TRPC4: variants seen among roughly 807,000 people sequenced by gnomAD.
TRPC4 encodes the protein transient receptor potential cation channel subfamily C member 4.
In TRPC4, 49 loss-of-function variants were observed where a neutral mutation model predicts 99.4. The ratio of observed to expected loss-of-function variants is 0.49; its 90% CI spans 0.39 to 0.63. The LOEUF (loss-of-function observed/expected upper bound fraction) is 0.63, where lower values mean the gene tolerates loss of function less well. Ranked by LOEUF, TRPC4 falls within the 20% of genes least tolerant of loss-of-function variation. The probability of loss-of-function intolerance (pLI) is 0.00; values close to 1 mark genes in which losing one functional copy is unlikely to be tolerated. For missense variants in TRPC4, 898 were observed against 1,152.9 expected (o/e 0.78, Z 3.20); for synonymous variants, 454 against 425.9 (o/e 1.07, Z -0.81).
chr13:37,666,691 T>C lies in TRPC4; in HGVS notation c.1375-2962A>G, dbSNP rs986579840. The stretch of plus-strand genomic sequence containing the variant: ...ATATTAATTTGAATTTTAAAAAATT[T>C]CTTTGCCTCTGCTATTTAGGAGCAA... On this transcript the variant is annotated intron_variant, in intron 5 of 10. Coordinates refer to ENST00000379705, the MANE Select transcript of TRPC4 (RefSeq NM_016179.4). Among the ~76,000 whole-genome samples, 9 of 152,322 alleles carry C rather than the reference T, an allele frequency of 5.9e-5. No homozygotes were observed. The East Asian group carries it at 1.7e-3, about 29-fold the overall frequency.
intron 3 of TRPC4, among the ~76,000 whole-genome samples, chr13:37,721,950 A>T (rs998614893): frequency 8.6e-5 from 13 of 152,026 alleles, no homozygotes; most frequent in Non-Finnish European, 1.8e-4. Context: ...ATTTTAATTC[A>T]TCCCTCCTCA....
At chr13:37,698,775 C>G (rs548273529) in intron 3 of TRPC4, among the ~76,000 whole-genome samples, 2 of 152,260 alleles carry the variant, frequency 1.3e-5, no homozygotes, top group African/African-American at 4.8e-5. Flanking sequence ...AGGATGCTAG[C>G]TGGCTAATTC....
chr13:37,810,438 A>T (rs961604210), intron 1 of TRPC4, among the ~76,000 whole-genome samples: 1 of 152,046 alleles, frequency 6.6e-6, no homozygotes, highest in Non-Finnish European at 1.5e-5. Context: ...TACTATACTA[A>T]ATATTATATT....
At chr13:37,668,659 A>T (rs188672151) in intron 5 of TRPC4, among the ~76,000 whole-genome samples, 91 of 152,300 alleles carry the variant, frequency 6.0e-4, no homozygotes, top group African/African-American at 2.0e-3. Context: ...GTAGGAAAAT[A>T]TGTTAGGCTA....
At chr13:37,682,959 C>T in intron 4 of TRPC4, among the ~76,000 whole-genome samples, 2 of 129,324 alleles carry the variant, frequency 1.5e-5, no homozygotes, top group Admixed American at 8.8e-5. Context: ...GAAAAGAAAT[C>T]TCTCTATGTT....
At chr13:37,679,930 C>T (rs951591028) in intron 4 of TRPC4, among the ~76,000 whole-genome samples, 1 of 152,050 alleles carries the variant, frequency 6.6e-6, no homozygotes, top group African/African-American at 2.4e-5. Context: ...TTTTTCCATA[C>T]CTATGGTGCT....
intron 5 of TRPC4, among the ~76,000 whole-genome samples, chr13:37,664,331 T>G (rs9548008): frequency 0.22 from 33,134 of 152,052 alleles, 3,974 homozygotes; most frequent in Non-Finnish European, 0.26. Flanking sequence ...CCCAGCACTT[T>G]GGGAGGCCGA....
intron 3 of TRPC4, among the ~76,000 whole-genome samples, chr13:37,693,318 A>G (rs1953787975): frequency 6.6e-6 from 1 of 152,164 alleles, no homozygotes; most frequent in Non-Finnish European, 1.5e-5. Flanking sequence ...AATCCACGGC[A>G]AGATACCTTG....
At chr13:37,791,209 T>C (rs1302714778) in intron 1 of TRPC4, among the ~76,000 whole-genome samples, 1 of 151,664 alleles carries the variant, frequency 6.6e-6, no homozygotes, top group African/African-American at 2.4e-5. Context: ...CTGGCCAAAA[T>C]AGTGAAACCC....
intron 3 of TRPC4, among the ~76,000 whole-genome samples, chr13:37,698,504 T>C (rs1440555428): frequency 6.6e-6 from 1 of 152,052 alleles, no homozygotes; most frequent in African/African-American, 2.4e-5. Flanking sequence ...CTAGTTTTTC[T>C]AATGTTTTCT....
chr13:37,807,954 G>A (rs1324467093), intron 1 of TRPC4, among the ~76,000 whole-genome samples: 1 of 152,058 alleles, frequency 6.6e-6, no homozygotes, highest in Admixed American at 6.6e-5. Flanking sequence ...GGTCATAGGA[G>A]ATGTCAGACA....
intron 5 of TRPC4, among the ~76,000 whole-genome samples, chr13:37,671,466 T>A (rs7984226): frequency 0.25 from 38,116 of 151,626 alleles, 5,452 homozygotes; most frequent in East Asian, 0.68. Flanking sequence ...GACCTAGAGC[T>A]CAAACTCTTT....
At chr13:37,866,857 G>C (rs141175439) in intron 1 of TRPC4, among the ~76,000 whole-genome samples, 1 of 96,890 alleles carries the variant, frequency 1.0e-5, no homozygotes, top group Non-Finnish European at 2.0e-5. Flanking sequence ...GGGGGGGGGC[G>C]GGTATAGGGT....
At chr13:37,864,157 C>T (rs1473628379) in intron 1 of TRPC4, among the ~76,000 whole-genome samples, 1 of 151,660 alleles carries the variant, frequency 6.6e-6, no homozygotes, top group Non-Finnish European at 1.5e-5. Flanking sequence ...GAAATGCACT[C>T]TCAACTTACT....
At chr13:37,642,393 TACA>T (rs1283823362) in intron 8 of TRPC4, among the ~76,000 whole-genome samples, 1 of 152,164 alleles carries the variant, frequency 6.6e-6, no homozygotes, top group African/African-American at 2.4e-5. Flanking sequence ...ATGTACCTCC[TACA>T]ACATGTCGCT....
At chr13:37,676,354 A>G (rs138449904) in intron 4 of TRPC4, among the ~76,000 whole-genome samples, 1 of 148,946 alleles carries the variant, frequency 6.7e-6, no homozygotes, top group African/African-American at 2.5e-5. Context: ...TGTAAAAAAT[A>G]TATACAAGGC....
At chr13:37,778,195 T>C (rs2139326230) in intron 2 of TRPC4, among the ~76,000 whole-genome samples, 1 of 152,206 alleles carries the variant, frequency 6.6e-6, no homozygotes, top group South Asian at 2.1e-4. Context: ...CAGACCAGCA[T>C]ATGTCTTCAG....
chr13:37,688,926 A>T (rs1218962386), intron 4 of TRPC4, among the ~76,000 whole-genome samples: 1 of 152,196 alleles, frequency 6.6e-6, no homozygotes, highest in Non-Finnish European at 1.5e-5. Context: ...TGTTCTGCTA[A>T]GGGACTCATG....
At chr13:37,868,673 C>T (rs1210874368) in intron 1 of TRPC4, among the ~76,000 whole-genome samples, 2 of 151,608 alleles carry the variant, frequency 1.3e-5, no homozygotes, top group African/African-American at 4.9e-5. Flanking sequence ...TTCCTTCTGT[C>T]TCTTCCTACT....
Sources: gnomAD v4.1 joint callset for allele counts (sites outside exome capture counted in the v4.1 genomes callset) on GRCh38, gnomAD v4.1.1 for gene constraint, MANE v1.5 for transcripts, NCBI Gene and HGNC (gene_info 2026-07-23, HGNC 2026-07-21) for gene names.